LAMA2: variants seen among roughly 807,000 people sequenced by gnomAD.
LAMA2 encodes the protein laminin subunit alpha-2.
LAMA2 carries 269 observed loss-of-function variants against 364.8 expected under a neutral mutation model. That is an observed-to-expected ratio of 0.74 (90% CI 0.67 to 0.82). The LOEUF is 0.82. LAMA2 is among the 40% of genes least tolerant of loss of function. The pLI is 0.00. For missense variants in LAMA2, 3,807 were observed against 3,873.2 expected (o/e 0.98, Z 0.45); for synonymous variants, 1,379 against 1,370.6 (o/e 1.01, Z -0.14).
intron 4 of LAMA2, among the ~76,000 whole-genome samples, chr6:129,121,325 C>T (rs1298612690): frequency 6.6e-6 from 1 of 152,272 alleles, no homozygotes; most frequent in East Asian, 1.9e-4. Context: ...TTTTGAGGTC[C>T]TCAGTGTCTT....
At chr6:129,310,458 T>G (rs985678838) in intron 22 of LAMA2, among the ~76,000 whole-genome samples, 1 of 152,140 alleles carries the variant, frequency 6.6e-6, no homozygotes, top group African/African-American at 2.4e-5. Flanking sequence ...ACTTTACCAC[T>G]GGGCTGTAGA....
rs1327340858 is a variant in LAMA2, at chr6:129,265,890, CT to C, written c.2209-1209del. Among the ~76,000 whole-genome samples, 3 of 152,016 alleles carry C rather than the reference CT, an allele frequency of 2.0e-5. No homozygotes were observed. The South Asian group carries it at 6.2e-4, about 32-fold the overall frequency. On this transcript the variant is annotated intron_variant, in intron 15 of 64. Transcript: ENST00000421865. Reference sequence around the variant, plus strand: ...AATAATTTTGAAAACAAATTTGACACTTTTTTTGGTACTGTTCAAATTAAGG... The same window carrying C: ...AATAATTTTGAAAACAAATTTGACACTTTTTTGGTACTGTTCAAATTAAGG...
At chr6:129,400,955 T>G (rs1779934469) in intron 37 of LAMA2, among the ~76,000 whole-genome samples, 1 of 152,208 alleles carries the variant, frequency 6.6e-6, no homozygotes, top group South Asian at 2.1e-4. Context: ...TTAAAAGTAG[T>G]TTTAATTCCT....
chr6:129,295,291 T>TTTTAGAAC (rs60365132), intron 20 of LAMA2, among the ~76,000 whole-genome samples: 5 of 151,852 alleles, frequency 3.3e-5, no homozygotes, highest in African/African-American at 1.2e-4. Flanking sequence ...GGGTTTAGAA[T>TTTTAGAAC]TGTGCTTTGC....
At chr6:129,157,746 T>TTA in intron 8 of LAMA2, 1 of 1,612,478 alleles carries the variant, frequency 6.2e-7, no homozygotes, top group Non-Finnish European at 8.5e-7. Context: ...CGGTACCATG[T>TTA]TATAATATGG....
At chr6:128,908,323 T>G (rs1201221003) in intron 1 of LAMA2, among the ~76,000 whole-genome samples, 72 of 151,794 alleles carry the variant, frequency 4.7e-4, no homozygotes, top group African/African-American at 1.5e-3. Flanking sequence ...TCCTGTTATT[T>G]GTCTATTCAG....
intron 2 of LAMA2, among the ~76,000 whole-genome samples, chr6:129,051,673 TATAG>T (rs1788037757): frequency 5.1e-5 from 2 of 39,050 alleles, no homozygotes; most frequent in African/African-American, 2.1e-4. Context: ...TAGATCGATC[TATAG>T]ATATCTATAT....
intron 12 of LAMA2, among the ~76,000 whole-genome samples, chr6:129,232,865 A>T (rs1562361010): frequency 6.6e-6 from 1 of 152,122 alleles, no homozygotes; most frequent in Non-Finnish European, 1.5e-5. Flanking sequence ...GAAGAAGAGG[A>T]AGGAGAAGTT....
intron 9 of LAMA2, among the ~76,000 whole-genome samples, chr6:129,167,295 A>C (rs999149930): frequency 6.9e-6 from 1 of 145,678 alleles, no homozygotes; most frequent in African/African-American, 2.5e-5. Flanking sequence ...ATATCTCCCA[A>C]TGCTATCCCT....
intron 3 of LAMA2, among the ~76,000 whole-genome samples, chr6:129,096,478 G>C (rs567102191): frequency 2.5e-4 from 38 of 152,262 alleles, no homozygotes; most frequent in African/African-American, 8.9e-4. Context: ...TATTCAAGCA[G>C]TTACAGGCAC....
Position 129,046,493 on chromosome 6 carries a change from C to G in LAMA2, c.113-3425C>G, listed in dbSNP as rs766926031. 2.0e-5 allele frequency among the ~76,000 whole-genome samples: 3 copies of G among 152,132 alleles called. No homozygotes were observed. The South Asian group carries it at 6.2e-4, about 31-fold the overall frequency. ...ATATTATGAGACTTATTTACTATCA[C>G]GAGAACAGCATGAGAAAAACCTGCC... On this transcript the variant is annotated intron_variant, in intron 1 of 64. Transcript: ENST00000421865.
At chr6:129,175,051 T>C (rs1342310598) in intron 9 of LAMA2, among the ~76,000 whole-genome samples, 2 of 152,252 alleles carry the variant, frequency 1.3e-5, no homozygotes, top group Non-Finnish European at 2.9e-5. Context: ...TTAATGCCTT[T>C]GCAAACTTTA....
chr6:129,176,132 A>G (rs1463933908), intron 9 of LAMA2, among the ~76,000 whole-genome samples: 3 of 151,934 alleles, frequency 2.0e-5, no homozygotes, highest in African/African-American at 4.8e-5. Context: ...CTGCTATTAT[A>G]TTCTACCTAG....
intron 4 of LAMA2, among the ~76,000 whole-genome samples, chr6:129,113,034 TACA>T (rs1776248801): frequency 6.6e-6 from 1 of 152,074 alleles, no homozygotes; most frequent in Non-Finnish European, 1.5e-5. Flanking sequence ...TATTTCCCTG[TACA>T]ACAATTGTGA....
intron 12 of LAMA2, among the ~76,000 whole-genome samples, chr6:129,231,451 A>G (rs1461954612): frequency 6.6e-6 from 1 of 152,126 alleles, no homozygotes; most frequent in African/African-American, 2.4e-5. Flanking sequence ...TGATTTTCCC[A>G]CAGTGCCATG....
In LAMA2 at chr6:129,392,097, T is replaced by C. The variant is rs1213736244; in HGVS notation, c.5234+444T>C. On this transcript the variant is annotated intron_variant, in intron 36 of 64. Coordinates refer to ENST00000421865, the MANE Select transcript of LAMA2 (RefSeq NM_000426.4). ...TATATTGGCCAACCTATACATTTTATCATCTTAAGAAATGCTGAAAAGAAA... is the reference window on the plus strand; with the variant it reads ...TATATTGGCCAACCTATACATTTTACCATCTTAAGAAATGCTGAAAAGAAA... 2.6e-5 allele frequency among the ~76,000 whole-genome samples: 4 copies of C among 152,324 alleles called. No individual in the cohort carries two copies. The South Asian group carries it at 8.3e-4, about 32-fold the overall frequency.
intron 3 of LAMA2, among the ~76,000 whole-genome samples, chr6:129,093,740 T>C (rs758890168): frequency 1.3e-5 from 2 of 152,352 alleles, no homozygotes; most frequent in Non-Finnish European, 2.9e-5. Context: ...AAATGGAATA[T>C]GAAATAGAAA....
chr6:129,194,961 T>C (rs907242239), intron 12 of LAMA2, among the ~76,000 whole-genome samples: 1 of 152,216 alleles, frequency 6.6e-6, no homozygotes, highest in East Asian at 1.9e-4. Flanking sequence ...TCTTTACCAG[T>C]AATTGCTGTT....
At chr6:129,285,761 G>C (rs1325834622) in intron 18 of LAMA2, among the ~76,000 whole-genome samples, 1 of 152,040 alleles carries the variant, frequency 6.6e-6, no homozygotes, top group Admixed American at 6.6e-5. Context: ...TTTATCAAAT[G>C]CCTCTCTTGA....
Sources: allele counts gnomAD v4.1 joint callset (sites outside exome capture counted in the v4.1 genomes callset), GRCh38; gene constraint gnomAD v4.1.1; transcripts MANE v1.5; gene names NCBI Gene and HGNC (gene_info 2026-07-23, HGNC 2026-07-21).